The following COL21A1 variants were observed in gnomAD, a reference collection of about 807,000 sequenced individuals.
COL21A1 encodes the protein collagen type XXI alpha 1 chain.
COL21A1 carries 149 observed loss-of-function variants against 137.9 expected under a neutral mutation model. The ratio of observed to expected loss-of-function variants is 1.08; its 90% CI spans 0.95 to 1.24. The LOEUF is 1.24. COL21A1 is among the 50% of genes most tolerant of loss of function. The probability of loss-of-function intolerance (pLI) is 0.00; values close to 1 mark genes in which losing one functional copy is unlikely to be tolerated. For synonymous variants in COL21A1, 456 were observed against 391.5 expected (o/e 1.16, Z -1.95); for missense variants, 1,167 against 1,158.4 (o/e 1.01, Z -0.11).
chr6:56,332,602 G>C (rs1217160171), intron 1 of COL21A1, among the ~76,000 whole-genome samples: 1 of 146,286 alleles, frequency 6.8e-6, no homozygotes, highest in Non-Finnish European at 1.5e-5. Flanking sequence ...CCGCCAAAAA[G>C]GGTTACATGT....
rs1170994062 is a variant in COL21A1 at position 56,056,748 on chromosome 6, C to G, written c.*909G>C. On this transcript the variant is annotated 3_prime_UTR_variant, in exon 30 of 30. Coordinates refer to ENST00000244728, the MANE Select transcript of COL21A1 (RefSeq NM_030820.4). ...ATATTTTACAGTCAGCTAAAAATAA[C>G]AAGACATTCTAGGATTTCAGGAGTT... The G allele has an allele frequency of 6.6e-6, 1 of 152,086 alleles. No individual in the cohort carries two copies. The highest frequency in any genetic ancestry group is 1.5e-5 in the Non-Finnish European group (1 of 67,996). 9.4% of individuals were successfully genotyped at this position (152,086 alleles called of 1,614,324 possible). A position where few individuals can be genotyped will look rare whatever the true frequency, so the allele number is the denominator to read the frequency against.
At chr6:56,165,129 A>G (rs1776475483) in intron 7 of COL21A1, among the ~76,000 whole-genome samples, 1 of 152,198 alleles carries the variant, frequency 6.6e-6, no homozygotes, top group African/African-American at 2.4e-5. Flanking sequence ...GATGAGATTT[A>G]TATGCTGTCT....
intron 10 of COL21A1, 21 bp downstream of exon 10, chr6:56,156,866 G>A: frequency 6.3e-7 from 1 of 1,597,506 alleles, no homozygotes; most frequent in South Asian, 1.1e-5. Context: ...TACCGGAGAT[G>A]ACTAAGCTTT....
At chr6:56,294,992 T>C (rs1213684528) in intron 1 of COL21A1, among the ~76,000 whole-genome samples, 2 of 151,982 alleles carry the variant, frequency 1.3e-5, no homozygotes, top group Admixed American at 1.3e-4. Flanking sequence ...GTTTTTGGTA[T>C]TGTATATAAA....
intron 1 of COL21A1, among the ~76,000 whole-genome samples, chr6:56,341,605 C>T (rs1765469434): frequency 6.6e-6 from 1 of 152,156 alleles, no homozygotes; most frequent in Non-Finnish European, 1.5e-5. Flanking sequence ...AGGTGGGGCA[C>T]AGAGGATTTA....
intron 1 of COL21A1, among the ~76,000 whole-genome samples, chr6:56,339,191 T>C (rs964436401): frequency 9.8e-5 from 15 of 152,324 alleles, no homozygotes; most frequent in Non-Finnish European, 1.9e-4. Context: ...AAAGCCTTCT[T>C]CCTTCATCAG....
intron 12 of COL21A1, among the ~76,000 whole-genome samples, chr6:56,137,799 T>G (rs781168767): frequency 6.6e-6 from 1 of 152,194 alleles, no homozygotes; most frequent in African/African-American, 2.4e-5. Context: ...ATGGAATTAA[T>G]GGTTCTTCAT....
chr6:56,112,827 G>A (rs988538162), intron 16 of COL21A1, among the ~76,000 whole-genome samples: 11 of 152,000 alleles, frequency 7.2e-5, no homozygotes, highest in South Asian at 4.2e-4. Context: ...TGGGATTAGA[G>A]GCATGCACCA....
chr6:56,390,495 G>GACACACACACACACAC (rs35424168), intron 1 of COL21A1, among the ~76,000 whole-genome samples: 2 of 139,878 alleles, frequency 1.4e-5, no homozygotes, highest in South Asian at 2.4e-4. Context: ...TGGCTGAATG[G>GACACACACACACACAC]ACACACACAC....
chr6:56,108,397 G>C (rs1011604896), intron 16 of COL21A1, among the ~76,000 whole-genome samples: 1 of 151,900 alleles, frequency 6.6e-6, no homozygotes, highest in African/African-American at 2.4e-5. Context: ...GCTAAAGCTA[G>C]ACAATAGAAG....
At chr6:56,370,056 C>T (rs1429112023) in intron 1 of COL21A1, among the ~76,000 whole-genome samples, 1 of 151,972 alleles carries the variant, frequency 6.6e-6, no homozygotes, top group Non-Finnish European at 1.5e-5. Context: ...GCCATATAGG[C>T]GTTATCTCTA....
chr6:56,133,340 A>G (rs1164974511), intron 12 of COL21A1, among the ~76,000 whole-genome samples: 1 of 152,162 alleles, frequency 6.6e-6, no homozygotes, highest in African/African-American at 2.4e-5. Context: ...CCCCTGCCCT[A>G]AAGATTTGTA....
chr6:56,231,462 A>G (rs1781553069), intron 1 of COL21A1, among the ~76,000 whole-genome samples: 1 of 151,864 alleles, frequency 6.6e-6, no homozygotes, highest in Non-Finnish European at 1.5e-5. Flanking sequence ...CTGTATCCCA[A>G]CCAAGACCAC....
chr6:56,312,709 T>A (rs1458768582), intron 1 of COL21A1, among the ~76,000 whole-genome samples: 1 of 59,400 alleles, frequency 1.7e-5, no homozygotes, highest in East Asian at 5.7e-4. Flanking sequence ...AAAATATGAA[T>A]GGTAGTGAAA....
At chr6:56,245,970 T>C (rs1216811807) in intron 1 of COL21A1, among the ~76,000 whole-genome samples, 1 of 152,244 alleles carries the variant, frequency 6.6e-6, no homozygotes, top group Non-Finnish European at 1.5e-5. Context: ...ATGCCTATTC[T>C]AGATTTTCTT....
At chr6:56,063,738 C>A (rs1240253418) in intron 24 of COL21A1, among the ~76,000 whole-genome samples, 1 of 152,024 alleles carries the variant, frequency 6.6e-6, no homozygotes, top group Non-Finnish European at 1.5e-5. Context: ...AACACAGAGA[C>A]CCCTGTCCTT....
At chr6:56,267,827 G>A (rs1173471780) in intron 1 of COL21A1, among the ~76,000 whole-genome samples, 1 of 151,714 alleles carries the variant, frequency 6.6e-6, no homozygotes, top group Non-Finnish European at 1.5e-5. Context: ...TTATTTGCAG[G>A]GAGGGGATAA....
At chr6:56,302,214 C>G (rs989389632) in intron 1 of COL21A1, among the ~76,000 whole-genome samples, 1 of 151,592 alleles carries the variant, frequency 6.6e-6, no homozygotes, top group Admixed American at 6.6e-5. Flanking sequence ...TTTATAGCAG[C>G]ACGATTTATA....
chr6:56,381,219 G>T (rs775395603), intron 1 of COL21A1, among the ~76,000 whole-genome samples: 1 of 152,122 alleles, frequency 6.6e-6, no homozygotes, highest in Non-Finnish European at 1.5e-5. Flanking sequence ...TTGGGGGCAA[G>T]AATTTTTTTA....
Sources: allele counts gnomAD v4.1 joint callset (sites outside exome capture counted in the v4.1 genomes callset), GRCh38; gene constraint gnomAD v4.1.1; transcripts MANE v1.5; gene names NCBI Gene and HGNC (gene_info 2026-07-23, HGNC 2026-07-21).